BMAL2: variants seen among roughly 807,000 people sequenced by gnomAD.
BMAL2 encodes basic helix-loop-helix ARNT-like protein 2.
the BMAL2 span, among the ~76,000 whole-genome samples, chr12:27,349,157 T>C: frequency 2.6e-5 from 4 of 152,168 alleles, no homozygotes; most frequent in Non-Finnish European, 4.4e-5. Context: ...CCTGGGTTAC[T>C]AGTGAGAGTA....
At chr12:27,403,626 T>C in the BMAL2 span, 2 of 746,238 alleles carry the variant, frequency 2.7e-6, no homozygotes, top group Non-Finnish European at 2.1e-6. Flanking sequence ...AGCCTTCCTA[T>C]ATACAAATGA....
chr12:27,386,126 A>G, the BMAL2 span, among the ~76,000 whole-genome samples: 54 of 152,264 alleles, frequency 3.5e-4, no homozygotes, highest in Admixed American at 6.5e-4. Context: ...AGGATTCTTC[A>G]TACACATTTT....
At chr12:27,406,492 T>G in the BMAL2 span, among the ~76,000 whole-genome samples, 3 of 152,102 alleles carry the variant, frequency 2.0e-5, no homozygotes, top group Non-Finnish European at 4.4e-5. Flanking sequence ...CCAGCCAAAC[T>G]TAAGCTTCAT....
At chr12:27,370,893 C>T in the BMAL2 span, among the ~76,000 whole-genome samples, 3 of 151,696 alleles carry the variant, frequency 2.0e-5, no homozygotes, top group Admixed American at 6.6e-5. Context: ...CATAAGCCAC[C>T]GCACCCGGCT....
the BMAL2 span, among the ~76,000 whole-genome samples, chr12:27,340,107 A>G: frequency 1.3e-5 from 2 of 152,122 alleles, no homozygotes; most frequent in Non-Finnish European, 2.9e-5. Flanking sequence ...TGGTTTAATT[A>G]GATCCCATTT....
At chr12:27,408,663 A>C in the BMAL2 span, among the ~76,000 whole-genome samples, 1 of 152,250 alleles carries the variant, frequency 6.6e-6, no homozygotes, top group African/African-American at 2.4e-5. Flanking sequence ...AACTGGAAGC[A>C]TTCCCTTTGA....
chr12:27,407,284 A>G, the BMAL2 span, among the ~76,000 whole-genome samples: 293 of 152,346 alleles, frequency 1.9e-3, 1 homozygote, highest in African/African-American at 6.7e-3. Context: ...AATCAACAGA[A>G]TATACATTCT....
the BMAL2 span, among the ~76,000 whole-genome samples, chr12:27,352,128 T>C: frequency 6.6e-6 from 1 of 152,234 alleles, no homozygotes; most frequent in African/African-American, 2.4e-5. Flanking sequence ...AGTCTTTGTG[T>C]ATATCTTTAA....
chr12:27,404,184 CAAAAAAAA>C, the BMAL2 span, among the ~76,000 whole-genome samples: 2 of 78,314 alleles, frequency 2.6e-5, no homozygotes, highest in African/African-American at 9.2e-5. Flanking sequence ...GACCCTGTCT[CAAAAAAAA>C]AAAAAAAAAA....
the BMAL2 span, chr12:27,389,179 G>A: frequency 2.5e-6 from 4 of 1,586,086 alleles, no homozygotes; most frequent in Non-Finnish European, 3.5e-6. Flanking sequence ...TTATGAATAG[G>A]CTAGTTTGAC....
chr12:27,388,373 G>A, the BMAL2 span, among the ~76,000 whole-genome samples: 2 of 151,968 alleles, frequency 1.3e-5, no homozygotes, highest in African/African-American at 4.8e-5. Flanking sequence ...ACATATAACC[G>A]CCAAACAATT....
the BMAL2 span, among the ~76,000 whole-genome samples, chr12:27,386,674 G>T: frequency 6.6e-6 from 1 of 152,090 alleles, no homozygotes; most frequent in Non-Finnish European, 1.5e-5. Flanking sequence ...CTGTTGCCTA[G>T]GCTGGAATGC....
chr12:27,358,745 T>A, the BMAL2 span, among the ~76,000 whole-genome samples: 1 of 152,160 alleles, frequency 6.6e-6, no homozygotes, highest in Admixed American at 6.5e-5. Flanking sequence ...TATGCACTTA[T>A]ACATGCACAA....
chr12:27,391,050 A>G, the BMAL2 span, among the ~76,000 whole-genome samples: 2 of 152,218 alleles, frequency 1.3e-5, no homozygotes, highest in Non-Finnish European at 2.9e-5. Context: ...AATCCTCATG[A>G]AAACACTATT....
chr12:27,341,403 A>G, the BMAL2 span, among the ~76,000 whole-genome samples: 1 of 152,190 alleles, frequency 6.6e-6, no homozygotes, highest in African/African-American at 2.4e-5. Flanking sequence ...TTCTGTTTAT[A>G]CAATGAATCA....
the BMAL2 span, among the ~76,000 whole-genome samples, chr12:27,407,037 A>G: frequency 6.6e-6 from 1 of 152,238 alleles, no homozygotes; most frequent in Non-Finnish European, 1.5e-5. Flanking sequence ...CAACAAGAAG[A>G]GCTAACTACC....
chr12:27,386,112 T>C, the BMAL2 span, among the ~76,000 whole-genome samples: 1 of 152,126 alleles, frequency 6.6e-6, no homozygotes, highest in Admixed American at 6.5e-5. Context: ...TCAAATTAAA[T>C]AGAAGGATTC....
chr12:27,383,496 T>C, the BMAL2 span, among the ~76,000 whole-genome samples: 1 of 152,110 alleles, frequency 6.6e-6, no homozygotes, highest in Non-Finnish European at 1.5e-5. Flanking sequence ...CTACCATGCC[T>C]CAGTGCTGCT....
chr12:27,356,409 C>T, the BMAL2 span, among the ~76,000 whole-genome samples: 1 of 152,136 alleles, frequency 6.6e-6, no homozygotes, highest in Non-Finnish European at 1.5e-5. Context: ...GGTGTTACAT[C>T]CAGGGCCCTC....
Sources: allele counts gnomAD v4.1 joint callset (sites outside exome capture counted in the v4.1 genomes callset), GRCh38; gene constraint gnomAD v4.1.1; transcripts MANE v1.5; gene names NCBI Gene and HGNC (gene_info 2026-07-23, HGNC 2026-07-21).